Variants in COL22A1 observed in about 807,000 individuals in gnomAD.
The protein encoded by COL22A1 is collagen type XXII alpha 1 chain.
COL22A1 carries 221 observed loss-of-function variants against 248.9 expected under a neutral mutation model. The ratio of observed to expected loss-of-function variants is 0.89; its 90% CI spans 0.80 to 0.99. The LOEUF is 0.99. Ranked by LOEUF, COL22A1 falls within the 50% of genes least tolerant of loss-of-function variation. The pLI is 0.00. For synonymous variants in COL22A1, 891 were observed against 793.4 expected (o/e 1.12, Z -2.07); for missense variants, 2,240 against 2,179.0 (o/e 1.03, Z -0.56).
chr8:138,746,012 G>A (rs759829556), intron 22 of COL22A1, among the ~76,000 whole-genome samples: 78 of 152,116 alleles, frequency 5.1e-4, no homozygotes, highest in Non-Finnish European at 9.7e-4. Context: ...GCAGGCAGGC[G>A]GGCAGGTGGG....
chr8:138,742,403 G>C (rs1486718428), intron 22 of COL22A1, among the ~76,000 whole-genome samples: 1 of 151,894 alleles, frequency 6.6e-6, no homozygotes, highest in Non-Finnish European at 1.5e-5. Context: ...GATGATGGTA[G>C]TAGTGATTGT....
chr8:138,910,004 G>T (rs1280916289), intron 1 of COL22A1, among the ~76,000 whole-genome samples: 2 of 152,200 alleles, frequency 1.3e-5, no homozygotes, highest in Non-Finnish European at 2.9e-5. Context: ...TGCAGCAGCA[G>T]GCAGGGACTG....
intron 1 of COL22A1, among the ~76,000 whole-genome samples, chr8:138,902,723 T>TAA (rs1814682284): frequency 9.9e-6 from 1 of 101,462 alleles, no homozygotes; most frequent in Non-Finnish European, 1.9e-5. Context: ...AAAAAATTTA[T>TAA]AAATATATAT....
Position 138,780,925 on chromosome 8 carries a change from A to G in COL22A1, c.1650+2T>C. The G allele has an allele frequency of 6.2e-7, 1 of 1,613,134 alleles. No individual in the cohort carries two copies. The highest frequency in any genetic ancestry group is 1.1e-5 in the South Asian group (1 of 91,040). On this transcript the variant is annotated splice_donor_variant, in intron 13 of 64. Coordinates refer to ENST00000303045, the MANE Select transcript of COL22A1 (RefSeq NM_152888.3). LOFTEE classifies it high-confidence loss of function. The stretch of plus-strand genomic sequence containing the variant: ...AGCCAGGGCAGACGGAACAGAACTT[A>G]CTCTCATGCCTTTGCTGCCGTCTCT...
chr8:138,907,246 A>G (rs529142261), intron 1 of COL22A1, among the ~76,000 whole-genome samples: 1 of 152,304 alleles, frequency 6.6e-6, no homozygotes, highest in African/African-American at 2.4e-5. Flanking sequence ...TCAGGACCAA[A>G]ACTGAACAGG....
At chr8:138,680,764 A>T (rs1245760777) in intron 39 of COL22A1, among the ~76,000 whole-genome samples, 1 of 152,174 alleles carries the variant, frequency 6.6e-6, no homozygotes, top group Non-Finnish European at 1.5e-5. Context: ...TCAAATTCCA[A>T]TTTGTCTTCC....
At position 138,700,136 on chromosome 8, in the gene COL22A1, C is replaced by A. The variant is rs1479892339; in HGVS notation, c.2568G>T (p.Leu856=). The A allele has an allele frequency of 6.2e-7, 1 of 1,613,606 alleles. No individual in the cohort carries two copies. The highest frequency in any genetic ancestry group is 8.5e-7 in the Non-Finnish European group (1 of 1,179,912). ...GPPGLPGTTS[L]FTPHPRMPGE... ...CGGGCATCCGTGGATGTGGTGTGAACAGGGATGTCTGAAAAGGAAACCACA... is the reference window on the plus strand; with the variant it reads ...CGGGCATCCGTGGATGTGGTGTGAAAAGGGATGTCTGAAAAGGAAACCACA... Residue 856 remains leucine (L), a synonymous_variant, in exon 32 of 65, where the codon CTG becomes CTT. Coordinates refer to ENST00000303045, the MANE Select transcript of COL22A1 (RefSeq NM_152888.3).
At chr8:138,673,627 G>A (rs750170829) in intron 41 of COL22A1, among the ~76,000 whole-genome samples, 1 of 152,188 alleles carries the variant, frequency 6.6e-6, no homozygotes, top group Non-Finnish European at 1.5e-5. Context: ...GGGGGAAAAG[G>A]ACTGGTTTCA....
At chr8:138,838,023 G>A (rs143993662) in intron 4 of COL22A1, among the ~76,000 whole-genome samples, 30 of 152,168 alleles carry the variant, frequency 2.0e-4, no homozygotes, top group Admixed American at 1.5e-3. Context: ...GGAGGGGGTC[G>A]CTGCTGAAGA....
intron 1 of COL22A1, among the ~76,000 whole-genome samples, chr8:138,907,948 G>A (rs958404167): frequency 1.7e-4 from 26 of 152,222 alleles, no homozygotes; most frequent in African/African-American, 6.0e-4. Context: ...GCTGCAATGG[G>A]GATGAAGTTC....
chr8:138,598,378 A>C (rs1276637393), intron 61 of COL22A1, among the ~76,000 whole-genome samples: 1 of 152,162 alleles, frequency 6.6e-6, no homozygotes, highest in African/African-American at 2.4e-5. Flanking sequence ...CCTTTTGCAC[A>C]AGGTCCTGGG....
chr8:138,677,090 A>G (rs1412654511), intron 40 of COL22A1, among the ~76,000 whole-genome samples: 1 of 152,212 alleles, frequency 6.6e-6, no homozygotes, highest in Non-Finnish European at 1.5e-5. Flanking sequence ...TTTGCACATC[A>G]TCCTTCTGGA....
rs1554736013 is a variant in COL22A1, at chr8:138,660,899, A to ATAAAC, written c.3241-420_3241-419insGTTTA. On this transcript the variant is annotated intron_variant, in intron 43 of 64. Coordinates refer to ENST00000303045, the MANE Select transcript of COL22A1 (RefSeq NM_152888.3). The stretch of plus-strand genomic sequence containing the variant: ...AGACACACACATACACAGACACACA[A>ATAAAC]ACACACACATACACAGACACACACA... 4.6e-3 allele frequency among the ~76,000 whole-genome samples: 148 copies of ATAAAC among 31,978 alleles called. 2 individuals carry two copies. The highest frequency in any genetic ancestry group is 6.4e-3 in the South Asian group (9 of 1,410). 21.0% of individuals were successfully genotyped at this position (31,978 alleles called of 152,430 possible).
At chr8:138,708,838 G>A (rs1273653918) in intron 30 of COL22A1, among the ~76,000 whole-genome samples, 1 of 152,206 alleles carries the variant, frequency 6.6e-6, no homozygotes, top group African/African-American at 2.4e-5. Context: ...ACTACCATTA[G>A]AGTGAACAGG....
Position 138,688,935 on chromosome 8 carries a change from A to G in COL22A1, c.2844T>C (p.Asp948=), listed in dbSNP as rs764841948. 1.2e-6 allele frequency: 2 copies of G among 1,613,336 alleles called. No homozygotes were observed. Among genetic ancestry groups the G allele is most frequent in the South Asian group, 2.2e-5 (2 of 91,060 alleles). ...APGLRGTPGK[D]GERGEKGAAG... ...GTCTTACCTTCTCACCACGCTCCCC[A>G]TCTTTCCCTGGGGTGCCTCTGAGGC... is the stretch of plus-strand genomic sequence containing the variant. The change falls in exon 37 of 65, where the codon GAT becomes GAC. Residue 948 remains aspartate (D), a synonymous_variant. Transcript: ENST00000303045.
intron 62 of COL22A1, among the ~76,000 whole-genome samples, chr8:138,595,040 A>AAAGTTACTT (rs1564074961): frequency 6.6e-6 from 1 of 152,164 alleles, no homozygotes; most frequent in Non-Finnish European, 1.5e-5. Context: ...TTTGTTAGCC[A>AAAGTTACTT]TGCAGTCATA....
intron 49 of COL22A1, among the ~76,000 whole-genome samples, chr8:138,631,696 A>AG (rs5895543): frequency 0.92 from 140,205 of 152,050 alleles, 64,687 homozygotes; most frequent in Middle Eastern, 0.97. Flanking sequence ...ACATATGCAC[A>AG]GCCTCATACC....
intron 30 of COL22A1, among the ~76,000 whole-genome samples, chr8:138,705,329 G>A (rs1586515287): frequency 6.6e-6 from 1 of 152,140 alleles, no homozygotes; most frequent in Non-Finnish European, 1.5e-5. Flanking sequence ...ACACATAATT[G>A]TCAGATTCAC....
rs73445463 is a variant in COL22A1 at position 138,655,877 on chromosome 8, C to T, written c.3333+20G>A. On this transcript the variant is annotated intron_variant, in intron 45 of 64. Transcript: ENST00000303045. The stretch of plus-strand genomic sequence containing the variant: ...CATCACCATTTTCAAAACACATGCG[C>T]ATTTATTGTATGCTTTTACCTTAGC... 0.067 allele frequency: 107,184 copies of T among 1,593,308 alleles called. 4,120 individuals carry two copies. Among genetic ancestry groups the T allele is most frequent in the Non-Finnish European group, 0.071 (82,896 of 1,161,600 alleles).
Sources: gnomAD v4.1 joint callset for allele counts (sites outside exome capture counted in the v4.1 genomes callset) on GRCh38, gnomAD v4.1.1 for gene constraint, MANE v1.5 for transcripts, NCBI Gene and HGNC (gene_info 2026-07-23, HGNC 2026-07-21) for gene names.